LASP1: variants seen among roughly 807,000 people sequenced by gnomAD.
The protein encoded by LASP1 is LIM and SH3 domain protein 1.
In LASP1, 10 loss-of-function variants were observed where a neutral mutation model predicts 38.6. That is an observed-to-expected ratio of 0.26 (90% CI 0.16 to 0.44). The LOEUF (loss-of-function observed/expected upper bound fraction) is 0.44. Ranked by LOEUF, LASP1 falls within the 20% of genes least tolerant of loss-of-function variation. LASP1 has a pLI of 1.00. For synonymous variants in LASP1, 132 were observed against 140.8 expected (o/e 0.94, Z 0.44); for missense variants, 243 against 375.7 (o/e 0.65, Z 2.92).
At chr17:38,915,249 TTG>T in intron 6 of LASP1, 103 bp downstream of exon 6, 2 of 893,886 alleles carry the variant, frequency 2.2e-6, no homozygotes, top group South Asian at 1.5e-5. Flanking sequence ...CCACCCTCTG[TTG>T]TGTGTGATGA....
chr17:38,876,954 C>T (rs547263121), intron 1 of LASP1, among the ~76,000 whole-genome samples: 2 of 152,050 alleles, frequency 1.3e-5, no homozygotes, highest in South Asian at 2.1e-4. Context: ...CCGCCCGCCT[C>T]GGCCTCCCAA....
intron 2 of LASP1, among the ~76,000 whole-genome samples, chr17:38,889,771 G>C (rs1432014861): frequency 6.6e-6 from 1 of 152,032 alleles, no homozygotes; most frequent in African/African-American, 2.4e-5. Flanking sequence ...TTCCAATAAG[G>C]GATACTCAAC....
At position 38,870,085 on chromosome 17, in the gene LASP1, G is replaced by A. The variant is rs1023103510; in HGVS notation, c.-105G>A. 1 of 1,239,508 alleles carries A rather than the reference G, an allele frequency of 8.1e-7. No homozygotes were observed. 76.8% of individuals were successfully genotyped at this position (1,239,508 alleles called of 1,614,324 possible). A position where few individuals can be genotyped will look rare whatever the true frequency, so the allele number is the denominator to read the frequency against. ...CAGTTCCCCAGCTCCAGCCGCCGTC[G>A]CTGCTGCCTGTGTAGTTGCAGCCGC... On this transcript the variant is annotated 5_prime_UTR_variant, in exon 1 of 7. Coordinates refer to ENST00000318008, the MANE Select transcript of LASP1 (RefSeq NM_006148.4).
chr17:38,870,200 A>G lies in LASP1; in HGVS notation c.11A>G (p.Asn4Ser). The G allele has an allele frequency of 6.2e-7, 1 of 1,613,776 alleles. No homozygotes were observed. Among genetic ancestry groups the G allele is most frequent in the Non-Finnish European group, 8.5e-7 (1 of 1,179,814 alleles). The change falls in exon 1 of 7, where the codon AAC becomes AGC. Residue 4 changes from asparagine to serine, a missense_variant. Coordinates refer to ENST00000318008, the MANE Select transcript of LASP1 (RefSeq NM_006148.4). MNP[N>S]CARCGKIVYP... ...GCTTTTCTCGGAACCATGAACCCCA[A>G]CTGCGCCCGGTGCGGCAAGATCGTG...
intron 2 of LASP1, among the ~76,000 whole-genome samples, chr17:38,887,735 A>G (rs1470946611): frequency 6.6e-6 from 1 of 152,160 alleles, no homozygotes; most frequent in African/African-American, 2.4e-5. Context: ...AGTCAGTGGC[A>G]GGGCCAGAGC....
Position 38,870,269 on chromosome 17 carries a change from G to C in LASP1, c.69+11G>C, listed in dbSNP as rs1458277189. ...AACTGTCTGGATAAGGTGAGCCCGG[G>C]ACCGGGAGACGCGTCTTTGCAATCC... On this transcript the variant is annotated intron_variant, in intron 1 of 6. Coordinates refer to ENST00000318008, the MANE Select transcript of LASP1 (RefSeq NM_006148.4). 6.2e-7 allele frequency: 1 copy of C among 1,613,384 alleles called. No homozygotes were observed. The highest frequency in any genetic ancestry group is 1.1e-5 in the South Asian group (1 of 91,000).
intron 2 of LASP1, among the ~76,000 whole-genome samples, chr17:38,888,614 C>T (rs756142910): frequency 6.6e-6 from 1 of 152,190 alleles, no homozygotes; most frequent in African/African-American, 2.4e-5. Flanking sequence ...TACTGAGCAT[C>T]GCCTACTATT....
intron 4 of LASP1, among the ~76,000 whole-genome samples, chr17:38,912,106 T>G (rs1914969274): frequency 6.6e-6 from 1 of 152,226 alleles, no homozygotes. Context: ...ACCACCCGCC[T>G]TTCTTGTGGT....
At chr17:38,879,206 A>G (rs1386311266) in intron 2 of LASP1, among the ~76,000 whole-genome samples, 1 of 123,538 alleles carries the variant, frequency 8.1e-6, no homozygotes, top group Non-Finnish European at 1.6e-5. Flanking sequence ...CCCAGGTTGG[A>G]GTGCAGTGGC....
At chr17:38,889,202 C>T (rs1212720650) in intron 2 of LASP1, among the ~76,000 whole-genome samples, 2 of 152,168 alleles carry the variant, frequency 1.3e-5, no homozygotes, top group African/African-American at 4.8e-5. Flanking sequence ...AGGATCTTGG[C>T]TCAGTGCAAC....
intron 4 of LASP1, among the ~76,000 whole-genome samples, chr17:38,907,988 A>G (rs1236741086): frequency 6.6e-6 from 1 of 152,228 alleles, no homozygotes; most frequent in Non-Finnish European, 1.5e-5. Context: ...GGCTCCCCTA[A>G]GGATGAGGCA....
chr17:38,898,811 C>T (rs1392545221), intron 4 of LASP1: 12 of 499,820 alleles, frequency 2.4e-5, no homozygotes, highest in African/African-American at 3.9e-5. Context: ...TTCTGGATAT[C>T]GTGGGTATCG....
intron 3 of LASP1, among the ~76,000 whole-genome samples, chr17:38,893,043 G>A (rs1192207133): frequency 1.3e-5 from 2 of 152,218 alleles, no homozygotes; most frequent in African/African-American, 4.8e-5. Flanking sequence ...ATGCGTGTAT[G>A]CCTGACTTTG....
At chr17:38,890,196 C>G in intron 2 of LASP1, 2 of 551,526 alleles carry the variant, frequency 3.6e-6, no homozygotes. Context: ...TGGCCCATCA[C>G]TGATGCCTGC....
intron 2 of LASP1, among the ~76,000 whole-genome samples, chr17:38,886,487 A>C (rs1199723093): frequency 6.6e-6 from 1 of 152,122 alleles, no homozygotes; most frequent in Non-Finnish European, 1.5e-5. Context: ...ACTCCTGCCA[A>C]ATTAAGCTGA....
chr17:38,899,203 ATGCGGGGGCAGGGCAC>A (rs774402293), intron 4 of LASP1: 14 of 195,570 alleles, frequency 7.2e-5, no homozygotes, highest in Admixed American at 5.3e-5. Flanking sequence ...GGCTTTAGGC[ATGCGGGGGCAGGGCAC>A]TGCGGTGAGC....
In LASP1 at chr17:38,870,097, G is replaced by A; in HGVS notation, c.-93G>A. 2.2e-6 allele frequency: 3 copies of A among 1,373,404 alleles called. No homozygotes were observed. Among genetic ancestry groups the A allele is most frequent in the Non-Finnish European group, 3.1e-6 (3 of 977,468 alleles). 85.1% of individuals were successfully genotyped at this position (1,373,404 alleles called of 1,614,324 possible). On this transcript the variant is annotated 5_prime_UTR_variant, in exon 1 of 7. Coordinates refer to ENST00000318008, the MANE Select transcript of LASP1 (RefSeq NM_006148.4). ...TCCAGCCGCCGTCGCTGCTGCCTGTGTAGTTGCAGCCGCGGCCGCCTCCCG... is the reference window on the plus strand; with the variant it reads ...TCCAGCCGCCGTCGCTGCTGCCTGTATAGTTGCAGCCGCGGCCGCCTCCCG...
intron 2 of LASP1, among the ~76,000 whole-genome samples, chr17:38,884,931 TC>T (rs1171603675): frequency 6.6e-6 from 1 of 152,158 alleles, no homozygotes; most frequent in Non-Finnish European, 1.5e-5. Flanking sequence ...CCTCAGATGA[TC>T]CGCCCGCTTC....
intron 4 of LASP1, among the ~76,000 whole-genome samples, chr17:38,913,837 A>AC (rs66804663): frequency 0.7 from 105,489 of 151,480 alleles, 37,683 homozygotes; most frequent in African/African-American, 0.87. Flanking sequence ...CCCTGTCTCT[A>AC]TTAAAATACA....
Sources: allele counts gnomAD v4.1 joint callset (sites outside exome capture counted in the v4.1 genomes callset), GRCh38; gene constraint gnomAD v4.1.1; transcripts MANE v1.5; gene names NCBI Gene and HGNC (gene_info 2026-07-23, HGNC 2026-07-21).